The following SULF1 variants were observed in gnomAD, a reference collection of about 807,000 sequenced individuals.
SULF1 encodes extracellular sulfatase Sulf-1.
SULF1 carries 46 observed loss-of-function variants against 110.5 expected under a neutral mutation model. The observed-to-expected ratio is 0.42, with a 90% CI of 0.33 to 0.53. SULF1 has a LOEUF of 0.53. Among genes scored for constraint, SULF1 ranks in the 20% least tolerant of loss-of-function variants. The pLI, the probability that SULF1 is intolerant of heterozygous loss-of-function variation, is 0.12. For synonymous variants in SULF1, 371 were observed against 387.1 expected (o/e 0.96, Z 0.49); for missense variants, 941 against 1,094.2 (o/e 0.86, Z 1.98).
chr8:69,598,126 G>T (rs1034517884), intron 8 of SULF1, among the ~76,000 whole-genome samples: 1 of 152,064 alleles, frequency 6.6e-6, no homozygotes, highest in African/African-American at 2.4e-5. Context: ...AAAAAAAAGG[G>T]GGGGACCATT....
intron 3 of SULF1, among the ~76,000 whole-genome samples, chr8:69,507,491 G>A (rs1474964455): frequency 2.6e-5 from 4 of 152,140 alleles, no homozygotes; most frequent in Non-Finnish European, 5.9e-5. Context: ...TCACAAGAGT[G>A]CATCATAATT....
At chr8:69,556,494 G>A (rs1815126115) in intron 3 of SULF1, among the ~76,000 whole-genome samples, 1 of 152,200 alleles carries the variant, frequency 6.6e-6, no homozygotes, top group Admixed American at 6.5e-5. Context: ...CATTCTATGT[G>A]TGACTTGCAG....
intron 22 of SULF1, chr8:69,641,268 A>T (rs1399277246): frequency 6.4e-6 from 1 of 157,204 alleles, no homozygotes; most frequent in Non-Finnish European, 1.4e-5. Flanking sequence ...GCACAAAATG[A>T]CTAATGAGAA....
intron 8 of SULF1, among the ~76,000 whole-genome samples, chr8:69,599,376 T>C (rs1807596439): frequency 6.6e-6 from 1 of 152,204 alleles, no homozygotes; most frequent in South Asian, 2.1e-4. Context: ...ATCTCAGACG[T>C]AGCAAGCACC....
chr8:69,606,937 G>A (rs1808257400), intron 13 of SULF1, among the ~76,000 whole-genome samples: 1 of 152,200 alleles, frequency 6.6e-6, no homozygotes, highest in East Asian at 1.9e-4. Context: ...TGCCCTGATG[G>A]TGATTTCTTT....
intron 5 of SULF1, among the ~76,000 whole-genome samples, chr8:69,574,817 C>T (rs1388971167): frequency 1.3e-5 from 2 of 152,150 alleles, no homozygotes; most frequent in African/African-American, 2.4e-5. Flanking sequence ...TTTTAGGGAG[C>T]TCTAATGAGA....
At chr8:69,643,179 C>G (rs990553945) in intron 22 of SULF1, among the ~76,000 whole-genome samples, 1 of 152,200 alleles carries the variant, frequency 6.6e-6, no homozygotes, top group African/African-American at 2.4e-5. Context: ...AAAATATCTG[C>G]CTAGTCACAC....
chr8:69,636,079 A>G (rs1810973201), intron 19 of SULF1, among the ~76,000 whole-genome samples: 1 of 152,184 alleles, frequency 6.6e-6, no homozygotes, highest in South Asian at 2.1e-4. Flanking sequence ...CATTACGTGT[A>G]CCTATCCTAT....
At position 69,506,309 on chromosome 8, in the gene SULF1, A is replaced by G. The variant is rs529366377; in HGVS notation, c.-134+4341A>G. ...CATTCTGTTTAGTTGCATTTTAATG[A>G]TGGTTTTTAAATTGTCTTCTCCTGC... On this transcript the variant is annotated intron_variant, in intron 3 of 22. Coordinates refer to ENST00000402687, the MANE Select transcript of SULF1 (RefSeq NM_001128205.2). 1.5e-4 allele frequency among the ~76,000 whole-genome samples: 23 copies of G among 152,220 alleles called. 1 individual carries two copies. In the South Asian group the frequency reaches 3.7e-3, roughly 25 times the overall value.
At chr8:69,654,902 A>C (rs778912199) in intron 22 of SULF1, among the ~76,000 whole-genome samples, 1 of 152,238 alleles carries the variant, frequency 6.6e-6, no homozygotes, top group Non-Finnish European at 1.5e-5. Context: ...ATTTGATGTG[A>C]GCTATCTTTG....
At chr8:69,541,008 T>C (rs1330356511) in intron 3 of SULF1, among the ~76,000 whole-genome samples, 2 of 152,102 alleles carry the variant, frequency 1.3e-5, no homozygotes, top group Non-Finnish European at 2.9e-5. Flanking sequence ...GCCTTTCCTA[T>C]ATGGCACAGC....
chr8:69,636,785 C>T (rs1380246528), intron 19 of SULF1, among the ~76,000 whole-genome samples: 1 of 152,144 alleles, frequency 6.6e-6, no homozygotes, highest in East Asian at 1.9e-4. Context: ...GAATTGGGCC[C>T]TTTCTGTTGA....
At position 69,640,802 on chromosome 8, in the gene SULF1, T is replaced by C. The variant is rs754278037; in HGVS notation, c.2552-6T>C. 5.6e-6 allele frequency: 9 copies of C among 1,610,604 alleles called. No homozygotes were observed. The highest frequency in any genetic ancestry group is 6.8e-6 in the Non-Finnish European group (8 of 1,178,186). ...CAGAAATTACTCTTGTATTTTCCTA[T>C]ATCAGGAAATAAAGATGGAGGAAGC... On this transcript the variant is annotated splice_region_variant and splice_polypyrimidine_tract_variant and intron_variant, in intron 21 of 22. Coordinates refer to ENST00000402687, the MANE Select transcript of SULF1 (RefSeq NM_001128205.2).
chr8:69,517,157 T>C (rs1586281115), intron 3 of SULF1, among the ~76,000 whole-genome samples: 1 of 151,938 alleles, frequency 6.6e-6, no homozygotes, highest in African/African-American at 2.4e-5. Flanking sequence ...GGCAGAAGGG[T>C]GGAAGGGCAA....
intron 3 of SULF1, among the ~76,000 whole-genome samples, chr8:69,506,477 A>G (rs1811206017): frequency 6.6e-6 from 1 of 152,208 alleles, no homozygotes; most frequent in African/African-American, 2.4e-5. Context: ...TGCTTAGACC[A>G]CAGTCCTCAA....
At chr8:69,608,546 G>A (rs1163729834) in intron 13 of SULF1, among the ~76,000 whole-genome samples, 1 of 152,132 alleles carries the variant, frequency 6.6e-6, no homozygotes, top group Non-Finnish European at 1.5e-5. Context: ...TTAGCCAGGC[G>A]TGGTGGTGGG....
intron 15 of SULF1, among the ~76,000 whole-genome samples, chr8:69,625,128 ACT>A (rs1283846040): frequency 6.6e-6 from 1 of 152,046 alleles, no homozygotes; most frequent in Non-Finnish European, 1.5e-5. Flanking sequence ...TACTTAAGGC[ACT>A]CTCTTTTTAA....
intron 3 of SULF1, among the ~76,000 whole-genome samples, chr8:69,513,555 A>C (rs1347762373): frequency 6.6e-6 from 1 of 152,264 alleles, no homozygotes; most frequent in African/African-American, 2.4e-5. Context: ...TACATAGACA[A>C]CTTTAAGCCT....
At chr8:69,608,566 T>C (rs1299730225) in intron 13 of SULF1, among the ~76,000 whole-genome samples, 4 of 152,094 alleles carry the variant, frequency 2.6e-5, no homozygotes, top group Admixed American at 2.6e-4. Flanking sequence ...GCACCTGTAA[T>C]TCCAGCTACT....
Sources: gnomAD v4.1 joint callset for allele counts (sites outside exome capture counted in the v4.1 genomes callset) on GRCh38, gnomAD v4.1.1 for gene constraint, MANE v1.5 for transcripts, NCBI Gene and HGNC (gene_info 2026-07-23, HGNC 2026-07-21) for gene names.